Variants in YAP1 observed in about 807,000 individuals in gnomAD.
YAP1 encodes Yes1 associated transcriptional regulator.
YAP1 carries 5 observed loss-of-function variants against 56.9 expected under a neutral mutation model. That is an observed-to-expected ratio of 0.09 (90% CI 0.05 to 0.18). The LOEUF (loss-of-function observed/expected upper bound fraction) is 0.18, where lower values mean the gene tolerates loss of function less well. YAP1 is among the 10% of genes least tolerant of loss of function. YAP1 has a pLI of 1.00. For missense variants in YAP1, 539 were observed against 651.8 expected (o/e 0.83, Z 1.88); for synonymous variants, 265 against 248.1 (o/e 1.07, Z -0.64).
rs1299228851 is a variant in YAP1, at chr11:102,110,713, G to A, written c.-136G>A. The A allele has an allele frequency of 2.7e-6, 2 of 744,742 alleles. No individual in the cohort carries two copies. The highest frequency in any genetic ancestry group is 4.6e-5 in the East Asian group (1 of 21,706). The allele number at this position is 744,742 out of a possible 1,614,324, so 46.1% of individuals were successfully genotyped here. A position where few individuals can be genotyped will look rare whatever the true frequency, so the allele number is the denominator to read the frequency against. ...ATGCGGGGCCGCGGCGCAGCCCCCC[G>A]GCCCTGAGAGCGAGGACAGCGCCGC... On this transcript the variant is annotated 5_prime_UTR_variant, in exon 1 of 9. Coordinates refer to ENST00000282441, the MANE Select transcript of YAP1 (RefSeq NM_001130145.3).
rs1380658717 is a variant in YAP1 at position 102,197,121 on chromosome 11, C to CT, written c.803-8768dup. On this transcript the variant is annotated intron_variant, in intron 4 of 8. Transcript: ENST00000282441. ...TGTGTTTTTAGAAGAACATTAATTT[C>CT]TTTTAAAAAGTCTACTGTTTTGTAG... is the stretch of plus-strand genomic sequence containing the variant. Among the ~76,000 whole-genome samples, 8 of 152,192 alleles carry CT rather than the reference C, an allele frequency of 5.3e-5. No homozygotes were observed. The East Asian group carries it at 1.4e-3, about 26-fold the overall frequency.
At chr11:102,126,487 G>A (rs760502295) in intron 2 of YAP1, among the ~76,000 whole-genome samples, 2 of 152,122 alleles carry the variant, frequency 1.3e-5, no homozygotes, top group African/African-American at 2.4e-5. Context: ...AGGGGTTTCC[G>A]CTTTTGCTTC....
intron 3 of YAP1, among the ~76,000 whole-genome samples, chr11:102,183,820 T>G (rs1205475949): frequency 1.3e-5 from 2 of 151,812 alleles, no homozygotes; most frequent in African/African-American, 4.8e-5. Flanking sequence ...CTCACGCCTG[T>G]AATCCCAGCA....
At position 102,110,917 on chromosome 11, in the gene YAP1, C is replaced by G. The variant is rs1345213083; in HGVS notation, c.69C>G (p.Pro23=). ...PQGQGQPPSQ[P]PQGQGPPSGP... Reference sequence around the variant, plus strand: ...GCCAAGGGCAGCCGCCTTCGCAGCCCCCGCAGGGGCAGGGCCCGCCGTCCG... The same window carrying G: ...GCCAAGGGCAGCCGCCTTCGCAGCCGCCGCAGGGGCAGGGCCCGCCGTCCG... The change falls in exon 1 of 9, where the codon CCC becomes CCG. Residue 23 remains proline, a synonymous_variant. Transcript: ENST00000282441. 7.0e-7 allele frequency: 1 copy of G among 1,435,712 alleles called. No individual in the cohort carries two copies. The highest frequency in any genetic ancestry group is 9.1e-7 in the Non-Finnish European group (1 of 1,095,562). The allele number at this position is 1,435,712 out of a possible 1,614,324, so 88.9% of individuals were successfully genotyped here. A position where few individuals can be genotyped will look rare whatever the true frequency, so the allele number is the denominator to read the frequency against.
chr11:102,181,387 A>G (rs989837403), intron 3 of YAP1, among the ~76,000 whole-genome samples: 3 of 152,176 alleles, frequency 2.0e-5, no homozygotes, highest in Non-Finnish European at 4.4e-5. Context: ...CGGAGCTTGC[A>G]GTGAGCCGAG....
At chr11:102,199,763 C>T (rs11225161) in intron 4 of YAP1, among the ~76,000 whole-genome samples, 11,129 of 152,104 alleles carry the variant, frequency 0.073, 513 homozygotes, top group South Asian at 0.2. Flanking sequence ...CCATTTGGCT[C>T]CTGAGAAGAA....
intron 2 of YAP1, among the ~76,000 whole-genome samples, chr11:102,125,211 A>G (rs1943956303): frequency 6.6e-6 from 1 of 151,780 alleles, no homozygotes; most frequent in South Asian, 2.1e-4. Flanking sequence ...TTGTAGAGAC[A>G]GGGTTTTACC....
chr11:102,226,240 T>G (rs1380491389), intron 7 of YAP1, among the ~76,000 whole-genome samples: 2 of 152,176 alleles, frequency 1.3e-5, no homozygotes, highest in African/African-American at 4.8e-5. Context: ...AAATGTGTGT[T>G]TTCTTGGATC....
intron 3 of YAP1, among the ~76,000 whole-genome samples, chr11:102,181,477 T>TAA (rs1327442866): frequency 6.6e-5 from 10 of 151,720 alleles, no homozygotes; most frequent in African/African-American, 2.4e-4. Flanking sequence ...TAAAATAAAA[T>TAA]AATAACTCCT....
chr11:102,160,845 A>G (rs1946228432), intron 2 of YAP1, among the ~76,000 whole-genome samples: 1 of 152,236 alleles, frequency 6.6e-6, no homozygotes, highest in Admixed American at 6.5e-5. Context: ...TGCCCCATCA[A>G]TAATCCCTTT....
At chr11:102,199,645 C>T (rs1483769744) in intron 4 of YAP1, among the ~76,000 whole-genome samples, 1 of 152,020 alleles carries the variant, frequency 6.6e-6, no homozygotes, top group Non-Finnish European at 1.5e-5. Flanking sequence ...AACAAGATAA[C>T]CAAAAAGACA....
intron 2 of YAP1, among the ~76,000 whole-genome samples, chr11:102,121,586 T>C (rs1943656651): frequency 6.6e-6 from 1 of 152,180 alleles, no homozygotes; most frequent in African/African-American, 2.4e-5. Context: ...CTGTCTATGC[T>C]ACCTCCCATG....
chr11:102,114,522 G>C, intron 2 of YAP1, 128 bp downstream of exon 2: 1 of 1,159,376 alleles, frequency 8.6e-7, no homozygotes, highest in Non-Finnish European at 1.2e-6. Context: ...GTTAAGCTCT[G>C]TAGCTCTATC....
chr11:102,201,288 A>G (rs1248865094), intron 4 of YAP1, among the ~76,000 whole-genome samples: 2 of 152,212 alleles, frequency 1.3e-5, no homozygotes, highest in East Asian at 3.8e-4. Context: ...AGTGGAAGGA[A>G]GTATGCATAG....
intron 2 of YAP1, among the ~76,000 whole-genome samples, chr11:102,132,317 T>C (rs1944411309): frequency 6.6e-6 from 1 of 152,204 alleles, no homozygotes. Context: ...ACCAAAGGTC[T>C]TTTCCCTCCC....
intron 2 of YAP1, among the ~76,000 whole-genome samples, chr11:102,115,701 A>G (rs1470033672): frequency 1.3e-5 from 2 of 152,154 alleles, no homozygotes; most frequent in African/African-American, 2.4e-5. Context: ...AAGTACACAC[A>G]AGTCTGGCAA....
intron 2 of YAP1, among the ~76,000 whole-genome samples, chr11:102,143,617 G>A (rs1456924527): frequency 6.6e-6 from 1 of 151,918 alleles, no homozygotes; most frequent in Non-Finnish European, 1.5e-5. Context: ...AACTGTAAAG[G>A]GCCATATATA....
chr11:102,219,090 G>A (rs1465066340), intron 6 of YAP1, among the ~76,000 whole-genome samples: 2 of 152,172 alleles, frequency 1.3e-5, no homozygotes, highest in African/African-American at 4.8e-5. Context: ...GCTACAAACA[G>A]GAGCATACCT....
rs1158363646 is a variant in YAP1, at chr11:102,232,051, G to C, written c.*2111G>C. 8 of 152,570 alleles carry C rather than the reference G, an allele frequency of 5.2e-5. No individual in the cohort carries two copies. In the East Asian group the frequency reaches 1.3e-3, roughly 26 times the overall value. 9.5% of individuals were successfully genotyped at this position (152,570 alleles called of 1,614,324 possible). ...AAGATTAAATCTTGAATTAAGTCTG[G>C]GGGGAAATGGCCACTGCAGATGGAG... On this transcript the variant is annotated 3_prime_UTR_variant, in exon 9 of 9. Coordinates refer to ENST00000282441, the MANE Select transcript of YAP1 (RefSeq NM_001130145.3).
Sources: allele counts gnomAD v4.1 joint callset (sites outside exome capture counted in the v4.1 genomes callset), GRCh38; gene constraint gnomAD v4.1.1; transcripts MANE v1.5; gene names NCBI Gene and HGNC (gene_info 2026-07-23, HGNC 2026-07-21).